Variants in GPD2 observed in about 807,000 individuals in gnomAD.
GPD2 encodes glycerol-3-phosphate dehydrogenase, mitochondrial.
In GPD2, 54 loss-of-function variants were observed where a neutral mutation model predicts 82.4. That is an observed-to-expected ratio of 0.66 (90% CI 0.53 to 0.82). GPD2 has a LOEUF of 0.82. GPD2 is among the 40% of genes least tolerant of loss of function. The pLI is 0.00. For synonymous variants in GPD2, 288 were observed against 306.1 expected (o/e 0.94, Z 0.62); for missense variants, 748 against 896.2 (o/e 0.83, Z 2.11).
intron 9 of GPD2, among the ~76,000 whole-genome samples, chr2:156,557,791 T>G (rs553981333): frequency 6.6e-6 from 1 of 152,204 alleles, no homozygotes; most frequent in Non-Finnish European, 1.5e-5. Flanking sequence ...ATGAAACTTA[T>G]GCAGTCCTCT....
chr2:156,494,818 T>A (rs4664822), intron 2 of GPD2, among the ~76,000 whole-genome samples: 88,317 of 152,056 alleles, frequency 0.58, 25,888 homozygotes, highest in East Asian at 0.77. Flanking sequence ...TGGCCAGTAC[T>A]GTTTGCTATA....
intron 13 of GPD2, among the ~76,000 whole-genome samples, chr2:156,576,009 G>A (rs938258233): frequency 9.2e-5 from 14 of 152,154 alleles, no homozygotes; most frequent in Non-Finnish European, 1.6e-4. Flanking sequence ...AACAATGGGT[G>A]AAATTTCATT....
At chr2:156,513,225 C>T (rs1573948177) in intron 5 of GPD2, 108 bp from the exon 6 acceptor site, 4 of 857,740 alleles carry the variant, frequency 4.7e-6, no homozygotes, top group Non-Finnish European at 8.1e-6. Flanking sequence ...CAGTCCACTT[C>T]TAGGTATGCT....
At chr2:156,409,804 C>A in the GPD2 span, among the ~76,000 whole-genome samples, 2 of 152,148 alleles carry the variant, frequency 1.3e-5, no homozygotes, top group East Asian at 3.9e-4. Context: ...AGTTAACATC[C>A]TGGACCAGGT....
intron 1 of GPD2, among the ~76,000 whole-genome samples, chr2:156,450,045 T>A (rs941445766): frequency 6.6e-6 from 1 of 151,830 alleles, no homozygotes; most frequent in African/African-American, 2.4e-5. Flanking sequence ...GTGGATAGAT[T>A]CAGGATATAT....
At chr2:156,513,834 C>G (rs573432213) in intron 6 of GPD2, among the ~76,000 whole-genome samples, 14 of 152,224 alleles carry the variant, frequency 9.2e-5, no homozygotes, top group African/African-American at 3.4e-4. Context: ...GAATATTTGC[C>G]TTATGAATAT....
intron 8 of GPD2, among the ~76,000 whole-genome samples, chr2:156,556,494 T>G (rs1053706082): frequency 6.6e-6 from 1 of 152,214 alleles, no homozygotes; most frequent in African/African-American, 2.4e-5. Flanking sequence ...ATGATGGGTT[T>G]TGTTAATGTT....
chr2:156,461,446 G>A (rs916564628), intron 1 of GPD2, among the ~76,000 whole-genome samples: 4 of 151,970 alleles, frequency 2.6e-5, no homozygotes, highest in Admixed American at 6.6e-5. Context: ...TGGTGTGATC[G>A]TGGCTCACTG....
chr2:156,515,512 T>C (rs1243888998), intron 6 of GPD2, among the ~76,000 whole-genome samples: 1 of 152,208 alleles, frequency 6.6e-6, no homozygotes, highest in Non-Finnish European at 1.5e-5. Context: ...TAGATTCTTA[T>C]TGATTCTACA....
intron 1 of GPD2, among the ~76,000 whole-genome samples, chr2:156,446,887 A>G (rs1462947954): frequency 6.6e-6 from 1 of 152,172 alleles, no homozygotes; most frequent in East Asian, 1.9e-4. Flanking sequence ...AATTGAAATA[A>G]CATGTCAAAT....
intron 1 of GPD2, among the ~76,000 whole-genome samples, chr2:156,465,480 G>A (rs11673870): frequency 1.1e-4 from 16 of 150,750 alleles, no homozygotes; most frequent in Non-Finnish European, 2.1e-4. Context: ...TCCCACTTCA[G>A]TCTCCTGAGT....
chr2:156,438,142 A>G (rs1682017048), intron 1 of GPD2, among the ~76,000 whole-genome samples: 1 of 152,172 alleles, frequency 6.6e-6, no homozygotes, highest in African/African-American at 2.4e-5. Context: ...AGCTTGTAAT[A>G]CACCCTCAAT....
rs1478037330 is a variant in GPD2, at chr2:156,579,172, T to C, written c.1959+8T>C. The C allele has an allele frequency of 6.5e-7, 1 of 1,541,302 alleles. No homozygotes were observed. The highest frequency in any genetic ancestry group is 1.1e-5 in the South Asian group (1 of 89,570). ...GTTCAGCGTGTATTAGAGGTAATTT[T>C]CTTTGGTTGATGTCAGCCTCTGATA... On this transcript the variant is annotated splice_region_variant and intron_variant, in intron 15 of 16. Transcript: ENST00000438166.
At position 156,534,672 on chromosome 2, in the gene GPD2, A is replaced by G. The variant is rs140277622; in HGVS notation, c.662-14936A>G. Among the ~76,000 whole-genome samples the G allele has an allele frequency of 6.6e-3, 1,003 of 152,342 alleles. 13 individuals are homozygous for G. The highest frequency in any genetic ancestry group is 0.023 in the African/African-American group (960 of 41,572). On this transcript the variant is annotated intron_variant, in intron 6 of 16. Coordinates refer to ENST00000438166, the MANE Select transcript of GPD2 (RefSeq NM_000408.5). ...GTAGGTTTATAGCTTTCTAAGTAAG[A>G]TAGTATTCTCAGTTGTTTTTTCACA... is the stretch of plus-strand genomic sequence containing the variant.
At chr2:156,568,012 G>T (rs1355915744) in intron 9 of GPD2, among the ~76,000 whole-genome samples, 3 of 152,104 alleles carry the variant, frequency 2.0e-5, no homozygotes, top group African/African-American at 7.2e-5. Flanking sequence ...TTCTGTGTCA[G>T]TGCTAAAAAT....
chr2:156,503,790 G>C (rs1168776877), intron 3 of GPD2, among the ~76,000 whole-genome samples: 1 of 152,158 alleles, frequency 6.6e-6, no homozygotes, highest in African/African-American at 2.4e-5. Flanking sequence ...TTGTTTACCT[G>C]TGGATTTTGT....
chr2:156,557,713 A>G (rs1558960284), intron 9 of GPD2, 131 bp downstream of exon 9: 1 of 704,304 alleles, frequency 1.4e-6, no homozygotes, highest in Non-Finnish European at 2.6e-6. Flanking sequence ...CTCTTAGAAC[A>G]TTTATGAGGG....
At chr2:156,547,954 AT>A (rs1206216461) in intron 6 of GPD2, among the ~76,000 whole-genome samples, 3 of 152,298 alleles carry the variant, frequency 2.0e-5, no homozygotes, top group African/African-American at 7.2e-5. Context: ...GCACACCTGG[AT>A]GGGTGAGCGT....
Position 156,472,074 on chromosome 2 carries a change from T to G in GPD2, c.-8-4024T>G, listed in dbSNP as rs564361911. Reference sequence around the variant, plus strand: ...ATAAGCTAATTCTATTTTTTAAAATTTTTTCACCTCTGGTTTCCTTGAACA... The same window carrying G: ...ATAAGCTAATTCTATTTTTTAAAATGTTTTCACCTCTGGTTTCCTTGAACA... On this transcript the variant is annotated intron_variant, in intron 1 of 16. Transcript: ENST00000438166. 7.9e-5 allele frequency among the ~76,000 whole-genome samples: 12 copies of G among 152,308 alleles called. No homozygotes were observed. The South Asian group carries it at 1.5e-3, about 18-fold the overall frequency.
Sources: allele counts gnomAD v4.1 joint callset (sites outside exome capture counted in the v4.1 genomes callset), GRCh38; gene constraint gnomAD v4.1.1; transcripts MANE v1.5; gene names NCBI Gene and HGNC (gene_info 2026-07-23, HGNC 2026-07-21).